The following EDA variants were observed in gnomAD, a reference collection of about 807,000 sequenced individuals.
EDA encodes ectodysplasin-A.
In EDA, 2 loss-of-function variants were observed where a neutral mutation model predicts 23.6. The observed-to-expected ratio is 0.08, with a 90% CI of 0.03 to 0.27. The LOEUF (loss-of-function observed/expected upper bound fraction) is 0.27, where lower values mean the gene tolerates loss of function less well. Among genes scored for constraint, EDA ranks in the 10% least tolerant of loss-of-function variants. The pLI is 1.00. For synonymous variants in EDA, 131 were observed against 132.0 expected (o/e 0.99, Z 0.05); for missense variants, 229 against 324.2 (o/e 0.71, Z 2.26).
chrX:69,951,101 T>G (rs370887138), intron 1 of EDA, among the ~76,000 whole-genome samples: 1 of 58,491 alleles, frequency 1.7e-5, no homozygotes, highest in African/African-American at 5.7e-5. Context: ...TAATAATAAA[T>G]AAAAAAAGAA....
intron 2 of EDA, among the ~76,000 whole-genome samples, chrX:69,997,381 G>A (rs1441314386): frequency 4.5e-5 from 5 of 112,000 alleles, no homozygotes; most frequent in Non-Finnish European, 7.5e-5. Flanking sequence ...ACTTGTGAGA[G>A]ATGATTTAGG....
intron 1 of EDA, among the ~76,000 whole-genome samples, chrX:69,696,837 T>G (rs1278597610): frequency 1.8e-5 from 2 of 112,618 alleles, no homozygotes; most frequent in Admixed American, 1.9e-4. Flanking sequence ...GAAAACAAGA[T>G]GCCAAAATAT....
At chrX:69,647,392 AT>A (rs1218473354) in intron 1 of EDA, among the ~76,000 whole-genome samples, 1 of 108,641 alleles carries the variant, frequency 9.2e-6, no homozygotes, top group African/African-American at 3.4e-5. Context: ...CATTCCTTTC[AT>A]TTTTTTTCTC....
chrX:69,657,005 G>C (rs1454339299), intron 1 of EDA, among the ~76,000 whole-genome samples: 2 of 111,640 alleles, frequency 1.8e-5, no homozygotes, highest in Non-Finnish European at 3.8e-5. Context: ...TTTTCTTTGG[G>C]TATATACCCA....
intron 1 of EDA, among the ~76,000 whole-genome samples, chrX:69,716,646 C>T (rs1359512049): frequency 9.0e-6 from 1 of 110,955 alleles, no homozygotes; most frequent in Non-Finnish European, 1.9e-5. Context: ...CATTGAATCT[C>T]TAAATTGCTT....
intron 1 of EDA, among the ~76,000 whole-genome samples, chrX:69,782,629 G>A (rs1286937778): frequency 1.8e-5 from 2 of 111,512 alleles, no homozygotes; most frequent in African/African-American, 6.5e-5. Flanking sequence ...GTGTCTCAGT[G>A]ATAGAGTTCT....
At chrX:69,639,631 TAGG>T (rs1932818023) in intron 1 of EDA, among the ~76,000 whole-genome samples, 2 of 111,982 alleles carry the variant, frequency 1.8e-5, no homozygotes, top group African/African-American at 6.5e-5. Flanking sequence ...TGTTGAGTTG[TAGG>T]AGTTTTTTAA....
intron 1 of EDA, among the ~76,000 whole-genome samples, chrX:69,690,275 G>T (rs1164652138): frequency 9.0e-6 from 1 of 111,431 alleles, no homozygotes; most frequent in East Asian, 2.8e-4. Context: ...TGTTAGCTCT[G>T]GGTCTTTCCT....
chrX:70,023,966 C>T (rs1445327815), intron 3 of EDA, among the ~76,000 whole-genome samples: 1 of 111,804 alleles, frequency 8.9e-6, no homozygotes, highest in Non-Finnish European at 1.9e-5. Flanking sequence ...AGGGCATCTA[C>T]AAGTGCTCAC....
intron 1 of EDA, among the ~76,000 whole-genome samples, chrX:69,806,486 G>A (rs1390303343): frequency 1.8e-5 from 2 of 110,902 alleles, no homozygotes; most frequent in Non-Finnish European, 3.8e-5. Context: ...TTAAAATATG[G>A]AAGGCACTGT....
intron 1 of EDA, among the ~76,000 whole-genome samples, chrX:69,782,081 C>G (rs1432937057): frequency 9.1e-6 from 1 of 109,734 alleles, no homozygotes. Context: ...GCAATGCTCA[C>G]TTTGTTCCCA....
At chrX:69,860,182 C>T (rs1339670382) in intron 1 of EDA, among the ~76,000 whole-genome samples, 4 of 111,195 alleles carry the variant, frequency 3.6e-5, no homozygotes, top group African/African-American at 1.3e-4. Context: ...CTTTATCCAG[C>T]TTGCCACTCT....
intron 2 of EDA, among the ~76,000 whole-genome samples, chrX:69,971,230 G>T (rs1313051929): frequency 8.9e-6 from 1 of 112,031 alleles, no homozygotes; most frequent in East Asian, 2.8e-4. Context: ...GAACTAGTCA[G>T]CCTCCATGTC....
chrX:69,974,008 C>T (rs779454431), intron 2 of EDA, among the ~76,000 whole-genome samples: 147 of 106,535 alleles, frequency 1.4e-3, no homozygotes, highest in African/African-American at 4.8e-3. Context: ...TTGTAAGTTA[C>T]AAACAACTAA....
chrX:69,978,318 T>TAAAAAAAAA (rs144187734), intron 2 of EDA, among the ~76,000 whole-genome samples: 3 of 20,423 alleles, frequency 1.5e-4, no homozygotes, highest in African/African-American at 3.8e-4. Context: ...ACTCCATCTC[T>TAAAAAAAAA]AAAAAAAAAA....
intron 1 of EDA, among the ~76,000 whole-genome samples, chrX:69,726,347 T>A (rs1318948618): frequency 9.0e-6 from 1 of 111,730 alleles, no homozygotes. Flanking sequence ...GTTTTCAGTT[T>A]GGATCCCCAA....
intron 1 of EDA, among the ~76,000 whole-genome samples, chrX:69,880,052 C>G (rs1384806648): frequency 8.9e-6 from 1 of 111,872 alleles, no homozygotes; most frequent in African/African-American, 3.3e-5. Flanking sequence ...CATATTGTAT[C>G]TGATTATATT....
rs745605739 is a variant in EDA, at chrX:69,766,828, G to A, written c.396+150124G>A. 2.0e-4 allele frequency among the ~76,000 whole-genome samples: 23 copies of A among 112,239 alleles called. 1 individual carries two copies. The highest frequency in any genetic ancestry group is 4.1e-4 in the Non-Finnish European group (22 of 53,238). ...TACCCAGTAATGGGACTACTGGATC[G>A]AATGGTAGTTCTGTTTTTAGCTCTT... On this transcript the variant is annotated intron_variant, in intron 1 of 7. Transcript: ENST00000374552.
At chrX:69,725,903 C>T (rs1254953543) in intron 1 of EDA, among the ~76,000 whole-genome samples, 1 of 111,965 alleles carries the variant, frequency 8.9e-6, no homozygotes, top group African/African-American at 3.2e-5. Flanking sequence ...TTGAGGTGAG[C>T]CTAATAGTCT....
Sources: allele counts gnomAD v4.1 joint callset (sites outside exome capture counted in the v4.1 genomes callset), GRCh38; gene constraint gnomAD v4.1.1; transcripts MANE v1.5; gene names NCBI Gene and HGNC (gene_info 2026-07-23, HGNC 2026-07-21).